RPS6KC1: variants seen among roughly 807,000 people sequenced by gnomAD.
RPS6KC1 encodes the protein inactive ribosomal protein S6 kinase delta-1.
A neutral mutation model predicts 103.8 loss-of-function variants in RPS6KC1; 54 were observed. The observed-to-expected ratio is 0.52, with a 90% confidence interval of 0.42 to 0.65. The LOEUF is 0.65. Among genes scored for constraint, RPS6KC1 ranks in the 30% least tolerant of loss-of-function variants. The probability of loss-of-function intolerance (pLI) is 0.00; values close to 1 mark genes in which losing one functional copy is unlikely to be tolerated. For missense variants in RPS6KC1, 1,151 were observed against 1,253.8 expected (o/e 0.92, Z 1.24); for synonymous variants, 439 against 438.7 (o/e 1.00, Z -0.01).
chr1:213,419,987 C>G, the RPS6KC1 span, among the ~76,000 whole-genome samples: 3 of 152,194 alleles, frequency 2.0e-5, no homozygotes, highest in Non-Finnish European at 4.4e-5. Flanking sequence ...CACACATGAG[C>G]TTAGTTGATG....
the RPS6KC1 span, among the ~76,000 whole-genome samples, chr1:213,620,799 G>T: frequency 6.6e-6 from 1 of 152,170 alleles, no homozygotes; most frequent in Non-Finnish European, 1.5e-5. Flanking sequence ...TTGGAATCCA[G>T]CTGGTTTGAC....
chr1:213,578,631 T>C, the RPS6KC1 span, among the ~76,000 whole-genome samples: 1 of 150,616 alleles, frequency 6.6e-6, no homozygotes, highest in Admixed American at 6.5e-5. Flanking sequence ...CTTTAAGGTT[T>C]AATGACTGCC....
Position 213,241,391 on chromosome 1 carries a change from G to C in RPS6KC1, c.1915G>C (p.Asp639His). Residue 639 changes from aspartate (D) to histidine (H), a missense_variant, in exon 11 of 15, where the codon GAC becomes CAC. Transcript: ENST00000366960. ...ACCATTCTTTACTCTTCCAGATGGAGACAGTGCTTCTAGGAGTTTTAATAC... is the reference window on the plus strand; with the variant it reads ...ACCATTCTTTACTCTTCCAGATGGACACAGTGCTTCTAGGAGTTTTAATAC... Reference protein sequence around the residue: ...LKPFFTLPDGDSASRSFNTSE... With the variant: ...LKPFFTLPDGHSASRSFNTSE... 1.1e-5 allele frequency: 17 copies of C among 1,613,924 alleles called. No homozygotes were observed. The highest frequency in any genetic ancestry group is 1.4e-5 in the Non-Finnish European group (17 of 1,179,936).
At chr1:213,255,921 A>G (rs535469097) in intron 12 of RPS6KC1, among the ~76,000 whole-genome samples, 3 of 152,238 alleles carry the variant, frequency 2.0e-5, no homozygotes, top group Non-Finnish European at 4.4e-5. Context: ...ACAGTTGGTC[A>G]TGTTACCAAT....
chr1:213,773,558 TTATGTA>T, the RPS6KC1 span, among the ~76,000 whole-genome samples: 1,702 of 149,780 alleles, frequency 0.011, 18 homozygotes, highest in Non-Finnish European at 0.016. Context: ...TCTATATATG[TTATGTA>T]TATGTATATG....
At chr1:213,545,636 C>A in the RPS6KC1 span, among the ~76,000 whole-genome samples, 3 of 151,984 alleles carry the variant, frequency 2.0e-5, no homozygotes, top group Non-Finnish European at 4.4e-5. Flanking sequence ...TCTGCAAAGA[C>A]CTTATCTCCA....
At chr1:213,234,167 A>G (rs2094170963) in intron 10 of RPS6KC1, among the ~76,000 whole-genome samples, 1 of 151,960 alleles carries the variant, frequency 6.6e-6, no homozygotes, top group South Asian at 2.1e-4. Context: ...GCACCACCAC[A>G]TCTGGCTAAG....
intron 1 of RPS6KC1, among the ~76,000 whole-genome samples, chr1:213,055,220 C>T (rs2077236909): frequency 6.6e-6 from 1 of 152,116 alleles, no homozygotes; most frequent in Admixed American, 6.5e-5. Context: ...GTCAGTCACT[C>T]CCCCTCATTC....
chr1:213,430,039 C>T, the RPS6KC1 span, among the ~76,000 whole-genome samples: 3 of 152,178 alleles, frequency 2.0e-5, no homozygotes, highest in Non-Finnish European at 4.4e-5. Flanking sequence ...AGGGTTGGCT[C>T]TGCTTAGACT....
chr1:213,144,515 A>G (rs986164082), intron 6 of RPS6KC1, among the ~76,000 whole-genome samples: 1 of 152,004 alleles, frequency 6.6e-6, no homozygotes, highest in Non-Finnish European at 1.5e-5. Context: ...AGCCTCCCAC[A>G]GTGCTGGGAT....
chr1:213,078,769 T>C lies in RPS6KC1; in HGVS notation c.262+953T>C, dbSNP rs77265875. On this transcript the variant is annotated intron_variant, in intron 3 of 14. Coordinates refer to ENST00000366960, the MANE Select transcript of RPS6KC1 (RefSeq NM_012424.6). ...TATGTAATTGCAGAGTCAAGGTATATGCACATTTATTTTTCAAACTAGACA... is the reference window on the plus strand; with the variant it reads ...TATGTAATTGCAGAGTCAAGGTATACGCACATTTATTTTTCAAACTAGACA... Among the ~76,000 whole-genome samples the C allele has an allele frequency of 4.8e-3, 734 of 152,354 alleles. 21 individuals are homozygous for C. In the East Asian group the frequency reaches 0.082, roughly 17 times the overall value.
intron 14 of RPS6KC1, 42 bp from the exon 15 acceptor site, chr1:213,272,482 C>A (rs1304289187): frequency 1.4e-6 from 2 of 1,441,592 alleles, no homozygotes; most frequent in Non-Finnish European, 2.0e-6. Context: ...CTTTGATTTG[C>A]CAGTTGGATT....
At chr1:213,439,393 A>G in the RPS6KC1 span, among the ~76,000 whole-genome samples, 15 of 149,924 alleles carry the variant, frequency 1.0e-4, no homozygotes, top group East Asian at 2.2e-3. Context: ...ATTGACGATT[A>G]ATTTTCTTGC....
At chr1:213,312,218 A>G in the RPS6KC1 span, among the ~76,000 whole-genome samples, 1 of 151,068 alleles carries the variant, frequency 6.6e-6, no homozygotes, top group Non-Finnish European at 1.5e-5. Flanking sequence ...CTGATTCTGC[A>G]CACCAGGAGA....
chr1:213,308,432 T>C, the RPS6KC1 span, among the ~76,000 whole-genome samples: 1 of 152,188 alleles, frequency 6.6e-6, no homozygotes, highest in Non-Finnish European at 1.5e-5. Context: ...ACCTATGTAA[T>C]AAATATGGTA....
chr1:213,196,837 T>TTTTG (rs1485819554), intron 8 of RPS6KC1, among the ~76,000 whole-genome samples: 2 of 152,114 alleles, frequency 1.3e-5, no homozygotes, highest in Non-Finnish European at 2.9e-5. Flanking sequence ...ACATGCCTTT[T>TTTTG]TTTGTTTGTT....
the RPS6KC1 span, among the ~76,000 whole-genome samples, chr1:213,784,423 A>C: frequency 6.6e-6 from 1 of 152,216 alleles, no homozygotes; most frequent in South Asian, 2.1e-4. Flanking sequence ...AACTTTTGCA[A>C]AAATATTGAT....
intron 5 of RPS6KC1, among the ~76,000 whole-genome samples, chr1:213,119,475 T>C (rs1282774409): frequency 2.6e-5 from 1 of 39,186 alleles, no homozygotes; most frequent in African/African-American, 8.6e-5. Context: ...TATATATATA[T>C]ATATATATAT....
At chr1:213,640,447 T>A in the RPS6KC1 span, among the ~76,000 whole-genome samples, 1 of 151,514 alleles carries the variant, frequency 6.6e-6, no homozygotes, top group Non-Finnish European at 1.5e-5. Context: ...TCTGCTTGAT[T>A]TGTGTTCATT....
Sources: allele counts gnomAD v4.1 joint callset (sites outside exome capture counted in the v4.1 genomes callset), GRCh38; gene constraint gnomAD v4.1.1; transcripts MANE v1.5; gene names NCBI Gene and HGNC (gene_info 2026-07-23, HGNC 2026-07-21).